Variants in ADD3 observed in about 807,000 individuals in gnomAD.
ADD3 encodes the protein gamma-adducin.
In ADD3, 25 loss-of-function variants were observed where a neutral mutation model predicts 80.2. That is an observed-to-expected ratio of 0.31 (90% CI 0.23 to 0.44). The LOEUF (loss-of-function observed/expected upper bound fraction) is 0.44, where lower values mean the gene tolerates loss of function less well. Among genes scored for constraint, ADD3 ranks in the 20% least tolerant of loss-of-function variants. The pLI is 1.00. For missense variants in ADD3, 829 were observed against 847.5 expected (o/e 0.98, Z 0.27); for synonymous variants, 284 against 289.6 (o/e 0.98, Z 0.20).
intron 10 of ADD3, 79 bp from the exon 11 acceptor site, chr10:110,125,747 G>C (rs1254743048): frequency 9.1e-7 from 1 of 1,103,728 alleles, no homozygotes; most frequent in East Asian, 2.5e-5. Flanking sequence ...CCCCTCTTGA[G>C]ACTATAAGCA....
rs1851468787 is a variant in ADD3 at position 110,000,739 on chromosome 10, T to C, written n.79+4293T>C. ...ATTTGATCCCTAGCAGTGTTAATTC[T>C]ATGCTTTGATATCCTGGGCAAGTTA... On this transcript the variant is annotated intron_variant and non_coding_transcript_variant, in intron 1 of 5. Coordinates refer to the ADD3 transcript ENST00000468251. 2.0e-5 allele frequency among the ~76,000 whole-genome samples: 3 copies of C among 152,240 alleles called. No homozygotes were observed. The South Asian group carries it at 6.2e-4, about 31-fold the overall frequency.
At chr10:110,083,541 A>G (rs527821256) in intron 1 of ADD3, among the ~76,000 whole-genome samples, 3 of 151,980 alleles carry the variant, frequency 2.0e-5, no homozygotes. Context: ...ATAGAAGAAG[A>G]AGTATGGTGA....
At position 110,035,640 on chromosome 10, in the gene ADD3, T is replaced by C. The variant is rs1855548341; in HGVS notation, c.-30+27341T>C. 2.0e-5 allele frequency among the ~76,000 whole-genome samples: 3 copies of C among 152,172 alleles called. No homozygotes were observed. The South Asian group carries it at 6.2e-4, about 32-fold the overall frequency. On this transcript the variant is annotated intron_variant, in intron 1 of 14. Coordinates refer to ENST00000356080, the MANE Select transcript of ADD3 (RefSeq NM_016824.5). The stretch of plus-strand genomic sequence containing the variant: ...TTTTAGACTAGTGGTACTCAGACTT[T>C]AGCATGCATTGGAAGCACCTGGAGG...
intron 1 of ADD3, among the ~76,000 whole-genome samples, chr10:110,091,549 A>T (rs1309998947): frequency 2.0e-5 from 3 of 152,206 alleles, no homozygotes; most frequent in African/African-American, 7.2e-5. Flanking sequence ...TCCCTATTCA[A>T]TAAATGGTGC....
intron 1 of ADD3, among the ~76,000 whole-genome samples, chr10:110,073,231 C>T (rs546524421): frequency 5.3e-5 from 8 of 151,038 alleles, no homozygotes; most frequent in Admixed American, 4.6e-4. Context: ...CAAGCTCCAC[C>T]TCCCGGGTTC....
intron 1 of ADD3, among the ~76,000 whole-genome samples, chr10:110,063,780 T>TATAAATATAAATAA (rs1158539551): frequency 1.9e-4 from 21 of 112,570 alleles, no homozygotes; most frequent in African/African-American, 7.1e-4. Context: ...TATATATATA[T>TATAAATATAAATAA]ATAAAGTGAA....
chr10:110,036,524 C>T (rs1243823962), intron 1 of ADD3, among the ~76,000 whole-genome samples: 2 of 151,850 alleles, frequency 1.3e-5, no homozygotes, highest in African/African-American at 2.4e-5. Flanking sequence ...GGACTATAGG[C>T]GCCTGCCACC....
Position 110,110,693 on chromosome 10 carries a change from CA to C in ADD3, c.196-2083del, listed in dbSNP as rs1182463736. Among the ~76,000 whole-genome samples the C allele has an allele frequency of 1.2e-3, 181 of 151,924 alleles. 1 individual carries two copies. Among genetic ancestry groups the C allele is most frequent in the Middle Eastern group, 6.8e-3 (2 of 294 alleles). On this transcript the variant is annotated intron_variant, in intron 2 of 14. Transcript: ENST00000356080. Reference sequence around the variant, plus strand: ...CCCTTATCACCATGAGCTCGTATGCCATTTTTTTTTTTTAAAGTTCCTGGCT... The same window carrying C: ...CCCTTATCACCATGAGCTCGTATGCCTTTTTTTTTTTTAAAGTTCCTGGCT...
intron 12 of ADD3, among the ~76,000 whole-genome samples, chr10:110,126,732 A>G (rs1027773727): frequency 3.3e-5 from 5 of 152,160 alleles, no homozygotes; most frequent in African/African-American, 1.2e-4. Flanking sequence ...GTTAGTTGAG[A>G]TGAGGTCTCA....
intron 1 of ADD3, among the ~76,000 whole-genome samples, chr10:110,022,511 A>C (rs539511212): frequency 7.2e-5 from 11 of 152,246 alleles, no homozygotes; most frequent in Non-Finnish European, 1.3e-4. Flanking sequence ...ATTTTATTTC[A>C]AATATATATA....
chr10:110,086,399 ACTC>A (rs1483614236), intron 1 of ADD3, among the ~76,000 whole-genome samples: 2 of 152,014 alleles, frequency 1.3e-5, no homozygotes, highest in Non-Finnish European at 1.5e-5. Context: ...ACAGAGTGAG[ACTC>A]CATCCTCAAA....
chr10:110,007,423 C>T (rs1322841070), upstream of ADD3, among the ~76,000 whole-genome samples: 1 of 152,224 alleles, frequency 6.6e-6, no homozygotes, highest in Non-Finnish European at 1.5e-5. Flanking sequence ...ACAGCCCCAG[C>T]AGCCAGCGTG....
At chr10:110,123,240 A>G (rs926615944) in intron 9 of ADD3, among the ~76,000 whole-genome samples, 3 of 152,108 alleles carry the variant, frequency 2.0e-5, no homozygotes, top group Admixed American at 2.0e-4. Flanking sequence ...TCTGGTAGTG[A>G]GACTGTTGGG....
intron 13 of ADD3, among the ~76,000 whole-genome samples, chr10:110,131,773 A>G (rs761516276): frequency 3.3e-5 from 5 of 152,198 alleles, no homozygotes; most frequent in Non-Finnish European, 5.9e-5. Flanking sequence ...TTGAAAGCCT[A>G]AAGATGCCAG....
At chr10:110,128,852 T>C (rs1852549330) in intron 12 of ADD3, among the ~76,000 whole-genome samples, 1 of 152,240 alleles carries the variant, frequency 6.6e-6, no homozygotes, top group Admixed American at 6.5e-5. Context: ...TGTCTTTGTC[T>C]ATTCTGAGTT....
chr10:110,099,280 T>C (rs1848536114), intron 1 of ADD3, among the ~76,000 whole-genome samples: 1 of 152,010 alleles, frequency 6.6e-6, no homozygotes. Context: ...CTGTAAGTAC[T>C]ATTTTTAAAA....
chr10:110,036,609 T>G (rs769033249), intron 1 of ADD3, among the ~76,000 whole-genome samples: 1 of 151,962 alleles, frequency 6.6e-6, no homozygotes, highest in South Asian at 2.1e-4. Context: ...ACTGTCCTCA[T>G]GATCCGCCCG....
At chr10:110,065,929 C>T (rs1843898165) in intron 1 of ADD3, among the ~76,000 whole-genome samples, 1 of 152,028 alleles carries the variant, frequency 6.6e-6, no homozygotes, top group African/African-American at 2.4e-5. Context: ...TTAGTTTACT[C>T]TCTTGGGTCT....
intron 1 of ADD3, among the ~76,000 whole-genome samples, chr10:110,082,145 T>G (rs1291097611): frequency 6.6e-6 from 1 of 152,210 alleles, no homozygotes; most frequent in South Asian, 2.1e-4. Flanking sequence ...ATTATCTTGC[T>G]GAGACAACCA....
Sources: gnomAD v4.1 joint callset for allele counts (sites outside exome capture counted in the v4.1 genomes callset) on GRCh38, gnomAD v4.1.1 for gene constraint, MANE v1.5 for transcripts, NCBI Gene and HGNC (gene_info 2026-07-23, HGNC 2026-07-21) for gene names.